Variants in MSN observed in about 807,000 individuals in gnomAD.
The protein encoded by MSN is epididymis luminal protein 70.
In MSN, 2 loss-of-function variants were observed where a neutral mutation model predicts 48.0. That is an observed-to-expected ratio of 0.04 (90% CI 0.02 to 0.13). The LOEUF (loss-of-function observed/expected upper bound fraction) is 0.13, where lower values mean the gene tolerates loss of function less well. Ranked by LOEUF, MSN falls within the 10% of genes least tolerant of loss-of-function variation. The pLI, the probability that MSN is intolerant of heterozygous loss-of-function variation, is 1.00. For synonymous variants in MSN, 146 were observed against 166.9 expected (o/e 0.87, Z 0.97); for missense variants, 267 against 470.1 (o/e 0.57, Z 3.99).
chrX:65,674,395 C>T (rs1162297016), intron 1 of MSN, among the ~76,000 whole-genome samples: 1 of 111,711 alleles, frequency 9.0e-6, no homozygotes, highest in Non-Finnish European at 1.9e-5. Context: ...GATGACTCCA[C>T]CCAGAGAGCA....
At chrX:65,616,823 G>T (rs868384668) in intron 1 of MSN, among the ~76,000 whole-genome samples, 1,135 of 109,806 alleles carry the variant, frequency 0.01, 9 homozygotes, top group Middle Eastern at 0.051. Flanking sequence ...TTCCCATTCA[G>T]TATGATATTG....
At chrX:65,624,600 G>A (rs1445687442) in intron 1 of MSN, 12 of 100,558 alleles carry the variant, frequency 1.2e-4, no homozygotes, top group Admixed American at 2.2e-4. Context: ...TGGGTAAAGC[G>A]AAGTTGTTGA....
chrX:65,712,999 C>T, intron 1 of MSN, among the ~76,000 whole-genome samples: 1 of 110,834 alleles, frequency 9.0e-6, no homozygotes, highest in Non-Finnish European at 1.9e-5. Context: ...TCTTTATCTC[C>T]AATGTGGAGA....
At chrX:65,719,589 T>C (rs143192542) in intron 2 of MSN, among the ~76,000 whole-genome samples, 11 of 111,788 alleles carry the variant, frequency 9.8e-5, no homozygotes, top group African/African-American at 3.6e-4. Context: ...ACATAGGCTT[T>C]TGGGCCCTTT....
Position 65,712,416 on chromosome X carries a change from A to G in MSN, c.13-4402A>G, listed in dbSNP as rs144920097. 1.4e-3 allele frequency among the ~76,000 whole-genome samples: 151 copies of G among 111,229 alleles called. 2 individuals are homozygous for G. In the East Asian group the frequency reaches 0.036, roughly 27 times the overall value. On this transcript the variant is annotated intron_variant, in intron 1 of 12. Coordinates refer to ENST00000360270, the MANE Select transcript of MSN (RefSeq NM_002444.3). ...ACCCGTGTGTTCAGGAAAGTCCTAG[A>G]GGTTCAAAGACTGATAAGGTTTAAT...
At chrX:65,654,103 C>CCT (rs2070763175) in intron 1 of MSN, among the ~76,000 whole-genome samples, 1 of 67,694 alleles carries the variant, frequency 1.5e-5, no homozygotes, top group African/African-American at 6.5e-5. Context: ...GGAGACCCTT[C>CCT]TTTTTTTTTT....
intron 1 of MSN, among the ~76,000 whole-genome samples, chrX:65,699,659 G>T (rs1271129441): frequency 5.7e-5 from 6 of 105,384 alleles, no homozygotes; most frequent in Non-Finnish European, 9.7e-5. Flanking sequence ...TGAGGCAGGA[G>T]AATGGCGTGA....
chrX:65,696,893 C>T (rs1419078441), intron 1 of MSN, among the ~76,000 whole-genome samples: 1 of 110,630 alleles, frequency 9.0e-6, no homozygotes, highest in Non-Finnish European at 1.9e-5. Flanking sequence ...CTTATCCTTG[C>T]CACCAAGAGA....
chrX:65,679,681 C>T (rs1209372950), intron 1 of MSN, among the ~76,000 whole-genome samples: 4 of 112,548 alleles, frequency 3.6e-5, no homozygotes, highest in Non-Finnish European at 7.5e-5. Flanking sequence ...CCATCCTCTA[C>T]TTCTTCCTCC....
chrX:65,680,374 TA>T (rs1026585221), intron 1 of MSN, among the ~76,000 whole-genome samples: 3 of 111,945 alleles, frequency 2.7e-5, no homozygotes, highest in Non-Finnish European at 5.6e-5. Flanking sequence ...AACACATCAC[TA>T]AAAACTTAGA....
At chrX:65,716,143 T>C (rs532378688) in intron 1 of MSN, among the ~76,000 whole-genome samples, 4 of 112,217 alleles carry the variant, frequency 3.6e-5, no homozygotes, top group Admixed American at 2.8e-4. Flanking sequence ...ACCAGTGCTA[T>C]AGATAATCCA....
intron 1 of MSN, among the ~76,000 whole-genome samples, chrX:65,648,654 C>CGAGGT (rs1190014385): frequency 1.8e-5 from 2 of 111,176 alleles, no homozygotes; most frequent in Non-Finnish European, 3.8e-5. Context: ...GGGTGGATCA[C>CGAGGT]GAGGTCAGAA....
intron 1 of MSN, among the ~76,000 whole-genome samples, chrX:65,594,180 TCCACCG>T (rs1052349542): frequency 9.0e-6 from 1 of 111,659 alleles, no homozygotes; most frequent in African/African-American, 3.3e-5. Context: ...ACCATTCTAG[TCCACCG>T]CCCTTAATTT....
intron 1 of MSN, among the ~76,000 whole-genome samples, chrX:65,668,500 C>T (rs769477611): frequency 8.9e-6 from 1 of 111,861 alleles, no homozygotes; most frequent in African/African-American, 3.2e-5. Flanking sequence ...ACCGGTTTCT[C>T]CCTCCTCTCC....
intron 2 of MSN, among the ~76,000 whole-genome samples, chrX:65,722,115 C>T (rs943867255): frequency 9.0e-6 from 1 of 111,622 alleles, no homozygotes; most frequent in African/African-American, 3.3e-5. Context: ...AAGAAAGAAA[C>T]TTAGAACCTC....
chrX:65,655,243 G>T (rs1037465780), intron 1 of MSN, among the ~76,000 whole-genome samples: 3 of 110,995 alleles, frequency 2.7e-5, no homozygotes, highest in Non-Finnish European at 5.7e-5. Context: ...TTTCATTATA[G>T]GATGAATAAT....
At chrX:65,726,977 C>T (rs1317405749) in intron 2 of MSN, among the ~76,000 whole-genome samples, 1 of 110,812 alleles carries the variant, frequency 9.0e-6, no homozygotes, top group Non-Finnish European at 1.9e-5. Flanking sequence ...GCCCACTGTT[C>T]AGCCAGGAGG....
chrX:65,715,878 G>A lies in MSN; in HGVS notation c.13-940G>A, dbSNP rs1035488056. On this transcript the variant is annotated intron_variant, in intron 1 of 12. Coordinates refer to ENST00000360270, the MANE Select transcript of MSN (RefSeq NM_002444.3). ...TAATACTATGTTGAATATGAGTGGTGAGAGAGGGCATTCTTGTCTTGTGTC... is the reference window on the plus strand; with the variant it reads ...TAATACTATGTTGAATATGAGTGGTAAGAGAGGGCATTCTTGTCTTGTGTC... 4.5e-5 allele frequency among the ~76,000 whole-genome samples: 5 copies of A among 111,874 alleles called. 1 individual carries two copies. The Admixed American group carries it at 4.8e-4, about 11-fold the overall frequency.
intron 1 of MSN, among the ~76,000 whole-genome samples, chrX:65,619,227 T>C (rs1195979079): frequency 9.6e-6 from 1 of 103,729 alleles, no homozygotes; most frequent in Admixed American, 1.0e-4. Context: ...TGGCATTCTC[T>C]GTATTTCCTG....
Sources: gnomAD v4.1 joint callset for allele counts (sites outside exome capture counted in the v4.1 genomes callset) on GRCh38, gnomAD v4.1.1 for gene constraint, MANE v1.5 for transcripts, NCBI Gene and HGNC (gene_info 2026-07-23, HGNC 2026-07-21) for gene names.